The following KCNH1 variants were observed in gnomAD, a reference collection of about 807,000 sequenced individuals.
KCNH1 encodes the protein potassium voltage-gated channel subfamily H member 1.
Under a neutral mutation model 69.2 loss-of-function variants are expected in KCNH1, and 27 were observed. The ratio of observed to expected loss-of-function variants is 0.39; its 90% confidence interval spans 0.29 to 0.54. The LOEUF is 0.54. Ranked by LOEUF, KCNH1 falls within the 20% of genes least tolerant of loss-of-function variation. The pLI is 0.68. For missense variants in KCNH1, 798 were observed against 1,261.6 expected, an observed-to-expected ratio of 0.63 and a Z score of 5.57; for synonymous variants, 456 against 487.7, an observed-to-expected ratio of 0.93 and a Z score of 0.86.
At chr1:210,994,354 AG>A (rs1159826616) in intron 6 of KCNH1, among the ~76,000 whole-genome samples, 3 of 152,220 alleles carry the variant, frequency 2.0e-5, no homozygotes, top group Admixed American at 6.5e-5. Context: ...CAACTTGCAA[AG>A]GAATAAGACA....
At chr1:211,046,259 C>T (rs1352976552) in intron 5 of KCNH1, among the ~76,000 whole-genome samples, 1 of 152,096 alleles carries the variant, frequency 6.6e-6, no homozygotes, top group Non-Finnish European at 1.5e-5. Context: ...ATATCAAGAA[C>T]ATTCTTAAAA....
intron 1 of KCNH1, among the ~76,000 whole-genome samples, chr1:211,117,544 G>T (rs1012400371): frequency 5.9e-5 from 9 of 152,182 alleles, no homozygotes; most frequent in Non-Finnish European, 1.2e-4. Context: ...AGAGAAAGAG[G>T]TCCTGAGATT....
chr1:210,970,719 G>A (rs548416700), intron 6 of KCNH1, among the ~76,000 whole-genome samples: 171 of 152,168 alleles, frequency 1.1e-3, no homozygotes, highest in African/African-American at 3.9e-3. Context: ...CATTCAGGAC[G>A]TAAGGGTGGG....
chr1:210,775,132 C>G (rs972158752), intron 10 of KCNH1, among the ~76,000 whole-genome samples: 1 of 152,162 alleles, frequency 6.6e-6, no homozygotes, highest in Non-Finnish European at 1.5e-5. Flanking sequence ...AAATAAATCC[C>G]TTCTGCACCA....
intron 7 of KCNH1, chr1:210,860,830 C>A: frequency 2.2e-6 from 2 of 911,888 alleles, no homozygotes; most frequent in South Asian, 2.6e-5. Context: ...CTTTACTTCA[C>A]AAAAATAGTG....
intron 7 of KCNH1, chr1:210,859,441 T>C (rs1462036292): frequency 4.4e-6 from 7 of 1,608,726 alleles, no homozygotes; most frequent in Non-Finnish European, 6.0e-6. Flanking sequence ...ATCTTCATCA[T>C]CAATGATTGT....
chr1:210,852,862 C>T (rs149838649), intron 7 of KCNH1, among the ~76,000 whole-genome samples: 141 of 152,246 alleles, frequency 9.3e-4, no homozygotes, highest in African/African-American at 2.7e-3. Context: ...CCAAAGGCAA[C>T]GTGGAAATTC....
chr1:210,750,550 A>G (rs1334241935), intron 10 of KCNH1, among the ~76,000 whole-genome samples: 2 of 152,168 alleles, frequency 1.3e-5, no homozygotes, highest in Non-Finnish European at 2.9e-5. Flanking sequence ...CTCATCCCAA[A>G]TCTTCAGTTT....
chr1:211,029,756 C>T (rs756402981), intron 5 of KCNH1, among the ~76,000 whole-genome samples: 1 of 151,896 alleles, frequency 6.6e-6, no homozygotes, highest in African/African-American at 2.4e-5. Context: ...TAAAAATATC[C>T]CTATTTGCAA....
At chr1:211,050,989 T>TTTTTTG (rs138240502) in intron 5 of KCNH1, among the ~76,000 whole-genome samples, 1 of 150,384 alleles carries the variant, frequency 6.6e-6, no homozygotes, top group East Asian at 2.0e-4. Flanking sequence ...ATATTTTTGT[T>TTTTTTG]TTGTTGTTGT....
chr1:210,869,607 T>C (rs1339494573), intron 7 of KCNH1, among the ~76,000 whole-genome samples: 1 of 151,842 alleles, frequency 6.6e-6, no homozygotes, highest in Non-Finnish European at 1.5e-5. Context: ...TATTGTCCTC[T>C]TTAATGGATG....
At chr1:211,004,330 A>G (rs948912700) in intron 6 of KCNH1, among the ~76,000 whole-genome samples, 1 of 152,140 alleles carries the variant, frequency 6.6e-6, no homozygotes, top group African/African-American at 2.4e-5. Flanking sequence ...GGAAACAGAT[A>G]TACGTATCGA....
At chr1:210,895,306 A>G (rs897204835) in intron 7 of KCNH1, among the ~76,000 whole-genome samples, 7 of 151,924 alleles carry the variant, frequency 4.6e-5, no homozygotes, top group Non-Finnish European at 1.0e-4. Flanking sequence ...TCTGTGCTTT[A>G]TTCATTTTCA....
chr1:210,952,146 G>T (rs528558428), intron 6 of KCNH1, among the ~76,000 whole-genome samples: 9 of 152,154 alleles, frequency 5.9e-5, no homozygotes, highest in Admixed American at 3.3e-4. Flanking sequence ...AGCACCTACT[G>T]CCCAGGCAAT....
intron 6 of KCNH1, among the ~76,000 whole-genome samples, chr1:210,939,433 G>T (rs1687839609): frequency 6.6e-6 from 1 of 152,154 alleles, no homozygotes; most frequent in South Asian, 2.1e-4. Context: ...AGAGGGGAGA[G>T]TGGAAGCCAC....
rs1681210267 is a variant in KCNH1 at position 210,679,297 on chromosome 1, A to G, written c.*3984T>C. On this transcript the variant is annotated 3_prime_UTR_variant, in exon 11 of 11. Coordinates refer to ENST00000271751, the MANE Select transcript of KCNH1 (RefSeq NM_172362.3). ...CTCAATGGCCTCCTCTTTAAGCAAC[A>G]CTAGGTGATAAGGGAGGAGAGAGGA... 1 of 152,244 alleles carries G rather than the reference A, an allele frequency of 6.6e-6. No homozygotes were observed. Among genetic ancestry groups the G allele is most frequent in the Non-Finnish European group, 1.5e-5 (1 of 68,066 alleles). 9.4% of individuals were successfully genotyped at this position (152,244 alleles called of 1,614,324 possible). A position where few individuals can be genotyped will look rare whatever the true frequency, so the allele number is the denominator to read the frequency against.
chr1:211,023,466 T>C (rs1487275305), intron 5 of KCNH1, among the ~76,000 whole-genome samples: 1 of 151,506 alleles, frequency 6.6e-6, no homozygotes, highest in East Asian at 1.9e-4. Flanking sequence ...AGAATATTAT[T>C]TGGCCATAAA....
chr1:211,122,089 G>T (rs564155004), intron 1 of KCNH1, among the ~76,000 whole-genome samples: 59 of 152,090 alleles, frequency 3.9e-4, no homozygotes, highest in South Asian at 1.2e-3. Flanking sequence ...AGTGAGCCAA[G>T]ATCATGCCAC....
intron 7 of KCNH1, among the ~76,000 whole-genome samples, chr1:210,871,574 A>C (rs1475807391): frequency 1.3e-5 from 2 of 152,168 alleles, no homozygotes; most frequent in Non-Finnish European, 2.9e-5. Context: ...AGGACTATAA[A>C]TCATGCTGCT....
Sources: gnomAD v4.1 joint callset for allele counts (sites outside exome capture counted in the v4.1 genomes callset) on GRCh38, gnomAD v4.1.1 for gene constraint, MANE v1.5 for transcripts, NCBI Gene and HGNC (gene_info 2026-07-23, HGNC 2026-07-21) for gene names.